Variants in S100Z observed in about 807,000 individuals in gnomAD.
S100Z encodes S100 calcium binding protein Z.
S100Z carries 11 observed loss-of-function variants against 8.5 expected under a neutral mutation model. The ratio of observed to expected loss-of-function variants is 1.30; its 90% CI spans 0.82 to 2.15. The LOEUF (loss-of-function observed/expected upper bound fraction) is 2.15, where lower values mean the gene tolerates loss of function less well. S100Z is among the 30% of genes most tolerant of loss of function. The probability of loss-of-function intolerance (pLI) is 0.00; values close to 1 mark genes in which losing one functional copy is unlikely to be tolerated. For missense variants in S100Z, 126 were observed against 117.9 expected (o/e 1.07, Z -0.32); for synonymous variants, 34 against 43.8 (o/e 0.78, Z 0.89).
intron 1 of S100Z, among the ~76,000 whole-genome samples, chr5:76,857,249 G>A (rs998077673): frequency 2.4e-4 from 37 of 151,886 alleles, no homozygotes; most frequent in African/African-American, 7.5e-4. Flanking sequence ...CCGAGATTGC[G>A]CCACTGCACT....
chr5:76,863,814 A>G (rs1236027806), intron 1 of S100Z, among the ~76,000 whole-genome samples: 2 of 152,336 alleles, frequency 1.3e-5, no homozygotes, highest in Non-Finnish European at 2.9e-5. Context: ...CTGGGATTAC[A>G]GGTGTGAGCC....
At chr5:76,876,501 T>G (rs1440001635) in intron 3 of S100Z, among the ~76,000 whole-genome samples, 1 of 151,972 alleles carries the variant, frequency 6.6e-6, no homozygotes, top group Non-Finnish European at 1.5e-5. Context: ...CCGGAGTAAC[T>G]GGGATTACAG....
At chr5:76,886,703 G>A (rs1743650678) in intron 4 of S100Z, among the ~76,000 whole-genome samples, 1 of 152,206 alleles carries the variant, frequency 6.6e-6, no homozygotes, top group Non-Finnish European at 1.5e-5. Flanking sequence ...GCAAAGGGTG[G>A]TGGATTATCA....
intron 4 of S100Z, among the ~76,000 whole-genome samples, chr5:76,913,434 G>A (rs745368419): frequency 6.6e-6 from 1 of 152,158 alleles, no homozygotes; most frequent in Non-Finnish European, 1.5e-5. Context: ...TCAAACCTGC[G>A]AGCTGTTTGC....
chr5:76,861,125 A>C (rs1751042824), intron 1 of S100Z, among the ~76,000 whole-genome samples: 1 of 152,174 alleles, frequency 6.6e-6, no homozygotes, highest in African/African-American at 2.4e-5. Context: ...TGATTCTCAC[A>C]AGGTTGTGTT....
downstream of S100Z, among the ~76,000 whole-genome samples, chr5:76,921,861 C>T (rs1389248483): frequency 3.3e-5 from 5 of 151,930 alleles, no homozygotes; most frequent in Admixed American, 6.6e-5. Flanking sequence ...TGGCGGTGCA[C>T]GCCTGTATTC....
At chr5:76,906,640 T>TG (rs1268074812) in intron 4 of S100Z, among the ~76,000 whole-genome samples, 2 of 99,806 alleles carry the variant, frequency 2.0e-5, no homozygotes, top group African/African-American at 5.6e-5. Flanking sequence ...TTTTGTTTTT[T>TG]GTTTTTTTTT....
intron 4 of S100Z, among the ~76,000 whole-genome samples, chr5:76,890,196 A>T (rs1343172507): frequency 6.6e-6 from 1 of 151,722 alleles, no homozygotes; most frequent in African/African-American, 2.4e-5. Flanking sequence ...GCTAATTTTT[A>T]TATTTTTAGT....
intron 1 of S100Z, among the ~76,000 whole-genome samples, chr5:76,868,574 TCAA>T (rs1742872393): frequency 6.6e-6 from 1 of 151,802 alleles, no homozygotes; most frequent in Non-Finnish European, 1.5e-5. Flanking sequence ...ATCTATAACT[TCAA>T]CAACTTAATT....
At chr5:76,928,265 G>A in the S100Z span, among the ~76,000 whole-genome samples, 2 of 152,282 alleles carry the variant, frequency 1.3e-5, no homozygotes, top group African/African-American at 2.4e-5. Context: ...TCTCCCCAAC[G>A]CAGAGGACCT....
At chr5:76,903,382 C>T (rs1390724014) in intron 4 of S100Z, among the ~76,000 whole-genome samples, 3 of 152,132 alleles carry the variant, frequency 2.0e-5, no homozygotes, top group Admixed American at 6.5e-5. Context: ...TGATATTAAT[C>T]TATGATTTTG....
At chr5:76,916,031 C>T (rs1744842510) in intron 4 of S100Z, among the ~76,000 whole-genome samples, 1 of 151,872 alleles carries the variant, frequency 6.6e-6, no homozygotes, top group African/African-American at 2.4e-5. Context: ...CGTGGAGGTA[C>T]ACACTTGTAA....
chr5:76,907,212 G>C (rs960072915), intron 4 of S100Z, among the ~76,000 whole-genome samples: 1 of 151,586 alleles, frequency 6.6e-6, no homozygotes, highest in Non-Finnish European at 1.5e-5. Flanking sequence ...ATATATGTGT[G>C]CGTCTATTTT....
intron 4 of S100Z, among the ~76,000 whole-genome samples, chr5:76,901,143 GCCACCACCACAATGA>G (rs141222634): frequency 0.026 from 4,019 of 152,248 alleles, 193 homozygotes; most frequent in African/African-American, 0.09. Context: ...CACTCCTGTG[GCCACCACCACAATGA>G]CTGTGCTGGG....
intron 1 of S100Z, among the ~76,000 whole-genome samples, chr5:76,863,393 G>A (rs918509125): frequency 6.6e-6 from 1 of 152,142 alleles, no homozygotes; most frequent in African/African-American, 2.4e-5. Flanking sequence ...TTAGCCCAAG[G>A]TTGTCATTTT....
intron 4 of S100Z, among the ~76,000 whole-genome samples, chr5:76,906,821 C>G (rs1004554929): frequency 6.6e-6 from 1 of 151,336 alleles, no homozygotes; most frequent in African/African-American, 2.4e-5. Flanking sequence ...TTAGTAGAGA[C>G]AGGGTATCAC....
At chr5:76,922,171 C>T (rs1215293016), downstream of S100Z, among the ~76,000 whole-genome samples, 1 of 152,150 alleles carries the variant, frequency 6.6e-6, no homozygotes, top group African/African-American at 2.4e-5. Flanking sequence ...TCTCCACCCC[C>T]TCCCAAGCAT....
At chr5:76,916,639 A>T (rs1183869166) in intron 4 of S100Z, among the ~76,000 whole-genome samples, 1 of 152,188 alleles carries the variant, frequency 6.6e-6, no homozygotes, top group African/African-American at 2.4e-5. Flanking sequence ...GAAAGATAAC[A>T]TGAAAATTTT....
chr5:76,940,725 C>T, the S100Z span, among the ~76,000 whole-genome samples: 2 of 152,146 alleles, frequency 1.3e-5, no homozygotes, highest in African/African-American at 2.4e-5. Flanking sequence ...ATGAACCAAT[C>T]TCTATGTAAT....
Sources: gnomAD v4.1 joint callset for allele counts (sites outside exome capture counted in the v4.1 genomes callset) on GRCh38, gnomAD v4.1.1 for gene constraint, MANE v1.5 for transcripts, NCBI Gene and HGNC (gene_info 2026-07-23, HGNC 2026-07-21) for gene names.